The following TAFA1 variants were observed in gnomAD, a reference collection of about 807,000 sequenced individuals.
TAFA1 encodes chemokine-like protein TAFA-1.
Under a neutral mutation model 18.5 loss-of-function variants are expected in TAFA1, and 4 were observed. That is an observed-to-expected ratio of 0.22 (90% CI 0.11 to 0.49). TAFA1 has a LOEUF of 0.49. Among genes scored for constraint, TAFA1 ranks in the 20% least tolerant of loss-of-function variants. The pLI is 0.98. For synonymous variants in TAFA1, 56 were observed against 55.2 expected (o/e 1.01, Z -0.06); for missense variants, 147 against 169.0 (o/e 0.87, Z 0.72).
intron 2 of TAFA1, among the ~76,000 whole-genome samples, chr3:68,400,890 G>A (rs1207165199): frequency 6.6e-6 from 1 of 152,162 alleles, no homozygotes. Context: ...GACGAGAACT[G>A]TGTCAGGTGT....
chr3:68,445,280 AACG>A (rs2071455805), intron 3 of TAFA1, among the ~76,000 whole-genome samples: 1 of 152,142 alleles, frequency 6.6e-6, no homozygotes, highest in African/African-American at 2.4e-5. Flanking sequence ...GGAAAGTGAT[AACG>A]ACCACTCCAA....
chr3:68,480,377 T>C (rs2072208892), intron 3 of TAFA1, among the ~76,000 whole-genome samples: 1 of 151,838 alleles, frequency 6.6e-6, no homozygotes, highest in South Asian at 2.1e-4. Context: ...CACTCCAGCC[T>C]GGGTGACAGA....
At chr3:68,002,543 G>A (rs1012151045), upstream of TAFA1, among the ~76,000 whole-genome samples, 3 of 152,000 alleles carry the variant, frequency 2.0e-5, no homozygotes, top group African/African-American at 7.3e-5. Flanking sequence ...AACAATCACG[G>A]GGCAAAAGCC....
intron 2 of TAFA1, among the ~76,000 whole-genome samples, chr3:68,230,937 A>T (rs1006430400): frequency 6.6e-6 from 1 of 152,170 alleles, no homozygotes; most frequent in African/African-American, 2.4e-5. Context: ...GAATGTTCAG[A>T]TCTTTTGCCC....
At chr3:68,297,680 G>C (rs909342730) in intron 2 of TAFA1, among the ~76,000 whole-genome samples, 10 of 151,834 alleles carry the variant, frequency 6.6e-5, no homozygotes, top group African/African-American at 2.4e-4. Flanking sequence ...TTAATGAAGA[G>C]GAAAGTTTAC....
chr3:68,348,327 A>C (rs1478485476), intron 2 of TAFA1, among the ~76,000 whole-genome samples: 1 of 152,192 alleles, frequency 6.6e-6, no homozygotes, highest in Non-Finnish European at 1.5e-5. Context: ...ATGTATCATT[A>C]TACTCATTTA....
At chr3:68,198,031 T>G (rs1163953695) in intron 2 of TAFA1, among the ~76,000 whole-genome samples, 1 of 151,752 alleles carries the variant, frequency 6.6e-6, no homozygotes, top group Non-Finnish European at 1.5e-5. Flanking sequence ...ACTCATTTAA[T>G]GAATGAATGA....
At chr3:68,306,973 A>G (rs2068434384) in intron 2 of TAFA1, among the ~76,000 whole-genome samples, 1 of 152,184 alleles carries the variant, frequency 6.6e-6, no homozygotes, top group Admixed American at 6.6e-5. Flanking sequence ...TTTGAACATG[A>G]TCTTTGACTC....
intron 2 of TAFA1, among the ~76,000 whole-genome samples, chr3:68,034,711 G>A (rs542251558): frequency 1.3e-5 from 2 of 152,276 alleles, no homozygotes; most frequent in South Asian, 4.1e-4. Flanking sequence ...ACAGTGTAGG[G>A]ACTCTTCTGT....
At chr3:68,086,056 C>T (rs892302323) in intron 2 of TAFA1, among the ~76,000 whole-genome samples, 7 of 152,192 alleles carry the variant, frequency 4.6e-5, no homozygotes, top group Admixed American at 1.3e-4. Context: ...TCTCTGTTTA[C>T]ATGAGGTACA....
intron 3 of TAFA1, among the ~76,000 whole-genome samples, chr3:68,423,096 G>C (rs971075424): frequency 6.6e-6 from 1 of 151,894 alleles, no homozygotes; most frequent in East Asian, 1.9e-4. Flanking sequence ...ATGAAGTTAC[G>C]TTCTATGATT....
At chr3:68,072,810 T>C (rs573434549) in intron 2 of TAFA1, among the ~76,000 whole-genome samples, 1 of 152,184 alleles carries the variant, frequency 6.6e-6, no homozygotes, top group South Asian at 2.1e-4. Flanking sequence ...GGATGTGAAG[T>C]TTAGTGACTG....
At chr3:68,416,933 A>G (rs2070849656) in intron 2 of TAFA1, among the ~76,000 whole-genome samples, 2 of 152,134 alleles carry the variant, frequency 1.3e-5, no homozygotes, top group Admixed American at 6.6e-5. Context: ...CTTAAATGTG[A>G]TGATAACACA....
chr3:68,239,510 A>T (rs2066970814), intron 2 of TAFA1, among the ~76,000 whole-genome samples: 1 of 145,678 alleles, frequency 6.9e-6, no homozygotes, highest in African/African-American at 2.5e-5. Context: ...GGCACCTGAA[A>T]TTCTGTGTGA....
At position 68,306,203 on chromosome 3, in the gene TAFA1, G is replaced by C. The variant is rs118147896; in HGVS notation, c.119-111077G>C. ...TTAAATGCTACCTGATAATTGTCTA[G>C]TGTGTGACCTTCATGGTCTTTACCC... On this transcript the variant is annotated intron_variant, in intron 2 of 4. Transcript: ENST00000478136. 2.8e-4 allele frequency among the ~76,000 whole-genome samples: 42 copies of C among 152,334 alleles called. No homozygotes were observed. In the East Asian group the frequency reaches 5.8e-3, roughly 21 times the overall value.
chr3:68,287,829 G>C (rs1348456339), intron 2 of TAFA1, among the ~76,000 whole-genome samples: 1 of 143,298 alleles, frequency 7.0e-6, no homozygotes, highest in East Asian at 2.0e-4. Context: ...CTCCTTATTT[G>C]CCTGGATTGA....
chr3:68,124,031 TG>T (rs1298106913), intron 2 of TAFA1, among the ~76,000 whole-genome samples: 1 of 151,950 alleles, frequency 6.6e-6, no homozygotes, highest in African/African-American at 2.4e-5. Flanking sequence ...TGTGAGGGTC[TG>T]GAGTCCTTTT....
At chr3:68,322,284 T>C (rs1470881047) in intron 2 of TAFA1, among the ~76,000 whole-genome samples, 1 of 152,164 alleles carries the variant, frequency 6.6e-6, no homozygotes, top group Non-Finnish European at 1.5e-5. Flanking sequence ...TTAAATTATT[T>C]AAAGCTCAAT....
At chr3:68,413,682 G>C (rs1217973245) in intron 2 of TAFA1, among the ~76,000 whole-genome samples, 3 of 152,042 alleles carry the variant, frequency 2.0e-5, no homozygotes, top group Non-Finnish European at 4.4e-5. Flanking sequence ...ATTTCCAATG[G>C]GACACACAGA....
Sources: allele counts gnomAD v4.1 joint callset (sites outside exome capture counted in the v4.1 genomes callset), GRCh38; gene constraint gnomAD v4.1.1; transcripts MANE v1.5; gene names NCBI Gene and HGNC (gene_info 2026-07-23, HGNC 2026-07-21).